The following LIN7A variants were observed in gnomAD, a reference collection of about 807,000 sequenced individuals.
LIN7A encodes the protein lin-7 cell polarity scaffold A, also known as protein lin-7 homolog A.
A neutral mutation model predicts 29.8 loss-of-function variants in LIN7A; 25 were observed. The observed-to-expected ratio is 0.84, with a 90% CI of 0.61 to 1.17. The LOEUF is 1.17. LIN7A is among the 50% of genes most tolerant of loss of function. The pLI is 0.00. For missense variants in LIN7A, 239 were observed against 287.0 expected (o/e 0.83, Z 1.21); for synonymous variants, 118 against 107.5 (o/e 1.10, Z -0.60).
At chr12:80,927,139 ATTTTC>A (rs1342756375) in intron 1 of LIN7A, among the ~76,000 whole-genome samples, 3 of 103,312 alleles carry the variant, frequency 2.9e-5, no homozygotes, top group East Asian at 5.1e-4. Flanking sequence ...ACAGTAAACT[ATTTTC>A]TTTTCTTTTT....
At chr12:80,807,081 T>TTTTTTTTTTTTTTTTTTTTTTTTTTTG (rs1871063991) in intron 5 of LIN7A, among the ~76,000 whole-genome samples, 1 of 135,582 alleles carries the variant, frequency 7.4e-6, no homozygotes, top group East Asian at 2.1e-4. Context: ...TTTTTTTTTT[T>TTTTTTTTTTTTTTTTTTTTTTTTTTTG]TTTTTTTTTT....
chr12:80,819,991 T>G (rs1252477484), intron 4 of LIN7A, among the ~76,000 whole-genome samples: 1 of 152,210 alleles, frequency 6.6e-6, no homozygotes. Flanking sequence ...GTATGGGGCT[T>G]GTTAGAAGAA....
chr12:80,830,932 C>A (rs1439436966), intron 4 of LIN7A, among the ~76,000 whole-genome samples: 12 of 152,210 alleles, frequency 7.9e-5, no homozygotes, highest in Non-Finnish European at 1.6e-4. Flanking sequence ...CACACTCTCC[C>A]TGCCATAGCA....
At chr12:80,878,678 T>C (rs1318107311) in intron 2 of LIN7A, among the ~76,000 whole-genome samples, 2 of 152,190 alleles carry the variant, frequency 1.3e-5, no homozygotes, top group African/African-American at 4.8e-5. Flanking sequence ...GCCCATGTCC[T>C]GCTGATTGGT....
At chr12:80,863,568 C>T (rs1443753010) in intron 2 of LIN7A, among the ~76,000 whole-genome samples, 3 of 152,102 alleles carry the variant, frequency 2.0e-5, no homozygotes, top group Non-Finnish European at 4.4e-5. Context: ...ATTATATGTC[C>T]TAATGACCAT....
intron 1 of LIN7A, among the ~76,000 whole-genome samples, chr12:80,907,795 G>T (rs769629985): frequency 2.6e-5 from 4 of 152,008 alleles, no homozygotes; most frequent in Non-Finnish European, 5.9e-5. Flanking sequence ...GAAATAAAGA[G>T]GATCCCTATT....
intron 2 of LIN7A, among the ~76,000 whole-genome samples, chr12:80,885,957 C>G (rs764106563): frequency 6.6e-6 from 1 of 151,954 alleles, no homozygotes; most frequent in Non-Finnish European, 1.5e-5. Flanking sequence ...AAAGCTTGTC[C>G]TGCTTTCTTT....
At chr12:80,852,723 T>A (rs1201658741) in intron 2 of LIN7A, among the ~76,000 whole-genome samples, 1 of 152,186 alleles carries the variant, frequency 6.6e-6, no homozygotes, top group Admixed American at 6.6e-5. Context: ...ACTTTTATAG[T>A]AGAGGTTTAT....
At chr12:80,829,498 C>T (rs1466804211) in intron 4 of LIN7A, among the ~76,000 whole-genome samples, 1 of 152,062 alleles carries the variant, frequency 6.6e-6, no homozygotes, top group Non-Finnish European at 1.5e-5. Flanking sequence ...GGCTATAAAT[C>T]CATGTTTTCA....
intron 1 of LIN7A, among the ~76,000 whole-genome samples, chr12:80,899,219 C>T (rs901745863): frequency 6.6e-6 from 1 of 152,104 alleles, no homozygotes; most frequent in East Asian, 1.9e-4. Context: ...AAAGCCTTCT[C>T]TACATCTATT....
At chr12:80,897,456 ACACCTG>A (rs1875967234) in intron 1 of LIN7A, among the ~76,000 whole-genome samples, 2 of 152,192 alleles carry the variant, frequency 1.3e-5, no homozygotes, top group South Asian at 4.1e-4. Context: ...AAATACTAGA[ACACCTG>A]TCTCCTATCA....
intron 2 of LIN7A, among the ~76,000 whole-genome samples, chr12:80,872,758 T>A (rs1338103126): frequency 6.6e-6 from 1 of 152,238 alleles, no homozygotes; most frequent in African/African-American, 2.4e-5. Flanking sequence ...GCGGCAGTAG[T>A]TGGCTCTGTC....
intron 1 of LIN7A, among the ~76,000 whole-genome samples, chr12:80,902,740 A>G (rs553345295): frequency 5.9e-5 from 9 of 152,192 alleles, no homozygotes; most frequent in African/African-American, 2.2e-4. Context: ...TAAGTCATTT[A>G]TGAGTTCTAG....
chr12:80,845,192 G>C (rs1377782601), intron 4 of LIN7A, among the ~76,000 whole-genome samples: 3 of 149,122 alleles, frequency 2.0e-5, no homozygotes, highest in African/African-American at 7.4e-5. Context: ...AGCTGAGATG[G>C]CACCACTGCA....
intron 1 of LIN7A, among the ~76,000 whole-genome samples, chr12:80,929,204 A>G (rs560338509): frequency 6.6e-6 from 1 of 152,288 alleles, no homozygotes; most frequent in East Asian, 1.9e-4. Flanking sequence ...CAAATAAAAT[A>G]CTCTTAAACC....
Position 80,935,363 on chromosome 12 carries a change from C to T in LIN7A, c.82+2278G>A, listed in dbSNP as rs561644795. Among the ~76,000 whole-genome samples the T allele has an allele frequency of 1.2e-4, 18 of 152,256 alleles. No homozygotes were observed. In the South Asian group the frequency reaches 2.1e-3, roughly 18 times the overall value. On this transcript the variant is annotated intron_variant, in intron 1 of 5. Coordinates refer to ENST00000552864, the MANE Select transcript of LIN7A (RefSeq NM_004664.4). ...AAATCTCCCAGTAGGTGACCAAAAACTGAGTCCTAACTCTAATTAATTGAA... is the reference window on the plus strand; with the variant it reads ...AAATCTCCCAGTAGGTGACCAAAAATTGAGTCCTAACTCTAATTAATTGAA...
chr12:80,888,233 A>G (rs905244817), intron 2 of LIN7A, among the ~76,000 whole-genome samples: 4 of 152,202 alleles, frequency 2.6e-5, no homozygotes, highest in African/African-American at 9.6e-5. Context: ...AGCATAAGTC[A>G]ACACATTCCA....
intron 4 of LIN7A, among the ~76,000 whole-genome samples, chr12:80,829,565 A>G (rs1207861965): frequency 1.3e-5 from 2 of 152,198 alleles, no homozygotes; most frequent in Non-Finnish European, 2.9e-5. Context: ...CTTCATGTTT[A>G]AAATTTTGCT....
intron 1 of LIN7A, among the ~76,000 whole-genome samples, chr12:80,928,729 G>A (rs1877735766): frequency 6.6e-6 from 1 of 152,056 alleles, no homozygotes; most frequent in Admixed American, 6.5e-5. Context: ...GGCTTTTGTT[G>A]CCATTTGCTT....
Sources: allele counts gnomAD v4.1 joint callset (sites outside exome capture counted in the v4.1 genomes callset), GRCh38; gene constraint gnomAD v4.1.1; transcripts MANE v1.5; gene names NCBI Gene and HGNC (gene_info 2026-07-23, HGNC 2026-07-21).